Variants in SLC24A3 observed in about 807,000 individuals in gnomAD.
SLC24A3 encodes the protein sodium/potassium/calcium exchanger 3.
In SLC24A3, 28 loss-of-function variants were observed where a neutral mutation model predicts 75.8. That is an observed-to-expected ratio of 0.37 (90% CI 0.27 to 0.51). The LOEUF is 0.51. Ranked by LOEUF, SLC24A3 falls within the 20% of genes least tolerant of loss-of-function variation. The pLI, the probability that SLC24A3 is intolerant of heterozygous loss-of-function variation, is 0.94. For synonymous variants in SLC24A3, 372 were observed against 334.1 expected, an observed-to-expected ratio of 1.11 and a Z score of -1.24; for missense variants, 663 against 847.8, an observed-to-expected ratio of 0.78 and a Z score of 2.71.
chr20:19,328,326 G>A (rs144522013), intron 2 of SLC24A3, among the ~76,000 whole-genome samples: 1,742 of 152,220 alleles, frequency 0.011, 17 homozygotes, highest in South Asian at 0.017. Flanking sequence ...GTGGAGAGCC[G>A]CCTCTTGCTT....
chr20:19,634,654 A>G (rs1248367918), intron 6 of SLC24A3, among the ~76,000 whole-genome samples: 1 of 152,222 alleles, frequency 6.6e-6, no homozygotes, highest in East Asian at 1.9e-4. Flanking sequence ...ACAAAAGTAT[A>G]CAGTATGATT....
intron 8 of SLC24A3, among the ~76,000 whole-genome samples, chr20:19,672,810 A>G (rs1167108138): frequency 6.6e-6 from 1 of 152,230 alleles, no homozygotes. Context: ...CTCTAGGATC[A>G]GCTTCTAGAC....
chr20:19,626,556 G>A (rs1254998022), intron 6 of SLC24A3, among the ~76,000 whole-genome samples: 1 of 152,176 alleles, frequency 6.6e-6, no homozygotes, highest in African/African-American at 2.4e-5. Context: ...CTATTCTCCT[G>A]GGTTCTAAGT....
intron 2 of SLC24A3, among the ~76,000 whole-genome samples, chr20:19,386,248 A>G (rs1008120888): frequency 3.3e-5 from 5 of 152,056 alleles, no homozygotes; most frequent in African/African-American, 1.2e-4. Flanking sequence ...GAAACTGCTG[A>G]TTTTTTGTAT....
intron 2 of SLC24A3, among the ~76,000 whole-genome samples, chr20:19,434,910 A>G (rs1436632901): frequency 6.6e-6 from 1 of 152,190 alleles, no homozygotes; most frequent in East Asian, 1.9e-4. Flanking sequence ...TTTGTAAGCC[A>G]CTTAACAATT....
At chr20:19,702,538 G>C (rs1308350023) in intron 15 of SLC24A3, among the ~76,000 whole-genome samples, 4 of 152,040 alleles carry the variant, frequency 2.6e-5, no homozygotes, top group Non-Finnish European at 5.9e-5. Context: ...GAGTCCTCTT[G>C]GGGGAGACTT....
chr20:19,565,595 C>G (rs1003232816), intron 3 of SLC24A3, among the ~76,000 whole-genome samples: 3 of 152,094 alleles, frequency 2.0e-5, no homozygotes, highest in Non-Finnish European at 4.4e-5. Context: ...CCTTATTGGT[C>G]CCCCATTGCA....
chr20:19,481,062 TG>T (rs1280850701), intron 2 of SLC24A3, among the ~76,000 whole-genome samples: 1 of 152,128 alleles, frequency 6.6e-6, no homozygotes, highest in Non-Finnish European at 1.5e-5. Context: ...ATAGAAGTAG[TG>T]GTCATTTTGG....
intron 1 of SLC24A3, among the ~76,000 whole-genome samples, chr20:19,251,629 G>A (rs961849533): frequency 6.6e-5 from 10 of 152,198 alleles, no homozygotes; most frequent in African/African-American, 2.4e-4. Flanking sequence ...TGTCCCACGA[G>A]AGAGGCAAGG....
chr20:19,594,980 A>T (rs1194220448), intron 6 of SLC24A3, among the ~76,000 whole-genome samples: 1 of 152,140 alleles, frequency 6.6e-6, no homozygotes, highest in Non-Finnish European at 1.5e-5. Context: ...TAAAATGTAG[A>T]CTCTGATTTG....
intron 1 of SLC24A3, chr20:19,266,088 A>C (rs1412311926): frequency 1.3e-5 from 2 of 152,346 alleles, no homozygotes; most frequent in Non-Finnish European, 2.9e-5. Flanking sequence ...AGTGTAGTTA[A>C]CACTTTAAAT....
chr20:19,441,027 CA>C (rs3838375), intron 2 of SLC24A3, among the ~76,000 whole-genome samples: 6,557 of 152,190 alleles, frequency 0.043, 470 homozygotes, highest in East Asian at 0.33. Flanking sequence ...TGAGATTTCA[CA>C]TCGCATACCT....
chr20:19,561,042 A>T (rs1241595206), intron 3 of SLC24A3, among the ~76,000 whole-genome samples: 1 of 152,154 alleles, frequency 6.6e-6, no homozygotes, highest in Non-Finnish European at 1.5e-5. Flanking sequence ...TAGCATCTTG[A>T]GCTCCTGTAA....
intron 2 of SLC24A3, among the ~76,000 whole-genome samples, chr20:19,327,738 G>A (rs1984903810): frequency 6.6e-6 from 1 of 152,114 alleles, no homozygotes; most frequent in African/African-American, 2.4e-5. Context: ...CTGATGCATG[G>A]GTGCATCCTT....
At chr20:19,488,552 G>A (rs764638423) in intron 2 of SLC24A3, among the ~76,000 whole-genome samples, 1 of 152,064 alleles carries the variant, frequency 6.6e-6, no homozygotes, top group Non-Finnish European at 1.5e-5. Context: ...TGGGACTCTC[G>A]ACTCTCCATT....
chr20:19,563,602 G>C (rs16980827), intron 3 of SLC24A3, among the ~76,000 whole-genome samples: 6,817 of 152,206 alleles, frequency 0.045, 181 homozygotes, highest in East Asian at 0.087. Flanking sequence ...CAGATTACGA[G>C]CCTGCTGGCG....
At chr20:19,274,571 C>T (rs189421445) in intron 1 of SLC24A3, among the ~76,000 whole-genome samples, 70 of 152,266 alleles carry the variant, frequency 4.6e-4, no homozygotes, top group African/African-American at 1.4e-3. Context: ...AATTGGTGCT[C>T]CTTTCCAAGG....
chr20:19,469,486 C>T lies in SLC24A3; in HGVS notation c.272-46002C>T, dbSNP rs533875807. On this transcript the variant is annotated intron_variant, in intron 2 of 16. Coordinates refer to ENST00000328041, the MANE Select transcript of SLC24A3 (RefSeq NM_020689.4). ...CATACTGGAGAAATTCCAGCCTGCCCACAGTGCTAAGCAGGGAGCACTCCA... is the reference window on the plus strand; with the variant it reads ...CATACTGGAGAAATTCCAGCCTGCCTACAGTGCTAAGCAGGGAGCACTCCA... Among the ~76,000 whole-genome samples, 17 of 152,274 alleles carry T rather than the reference C, an allele frequency of 1.1e-4. No homozygotes were observed. The East Asian group carries it at 3.3e-3, about 29-fold the overall frequency.
At chr20:19,326,400 AC>A (rs1453242893) in intron 2 of SLC24A3, among the ~76,000 whole-genome samples, 1 of 151,348 alleles carries the variant, frequency 6.6e-6, no homozygotes, top group Non-Finnish European at 1.5e-5. Flanking sequence ...AATCCTGACT[AC>A]TCTCTTCTTT....
Sources: allele counts gnomAD v4.1 joint callset (sites outside exome capture counted in the v4.1 genomes callset), GRCh38; gene constraint gnomAD v4.1.1; transcripts MANE v1.5; gene names NCBI Gene and HGNC (gene_info 2026-07-23, HGNC 2026-07-21).